The following NRSN1 variants were observed in gnomAD, a reference collection of about 807,000 sequenced individuals.
NRSN1 encodes the protein neurensin-1.
NRSN1 carries 14 observed loss-of-function variants against 17.3 expected under a neutral mutation model. That is an observed-to-expected ratio of 0.81 (90% CI 0.54 to 1.27). The LOEUF (loss-of-function observed/expected upper bound fraction) is 1.27, where lower values mean the gene tolerates loss of function less well. NRSN1 is among the 50% of genes most tolerant of loss of function. The probability of loss-of-function intolerance (pLI) is 0.00; values close to 1 mark genes in which losing one functional copy is unlikely to be tolerated. For synonymous variants in NRSN1, 79 were observed against 94.2 expected (o/e 0.84, Z 0.93); for missense variants, 209 against 235.9 (o/e 0.89, Z 0.75).
At chr6:24,130,349 C>G (rs1418335719) in intron 2 of NRSN1, among the ~76,000 whole-genome samples, 1 of 152,122 alleles carries the variant, frequency 6.6e-6, no homozygotes, top group Non-Finnish European at 1.5e-5. Context: ...ACCTCACATA[C>G]CTTTTTTATG....
At chr6:24,137,889 C>T (rs1032823733) in intron 3 of NRSN1, among the ~76,000 whole-genome samples, 1 of 152,014 alleles carries the variant, frequency 6.6e-6, no homozygotes, top group Non-Finnish European at 1.5e-5. Context: ...AGGAACGGGG[C>T]ATCCCAGTAG....
chr6:24,145,629 G>T lies in NRSN1; in HGVS notation c.271G>T (p.Glu91Ter), dbSNP rs199771455. The part of the protein sequence containing the change: ...AVGFLVPPKI[E>*]AFGEADFVVV... ...GGGCTTTCTTGTGCCCCCCAAAATC[G>T]AAGCATTTGGCGAAGCCGATTTTGT... is the stretch of plus-strand genomic sequence containing the variant. Residue 91 changes from glutamate (E) to a stop codon, truncating the protein, a stop_gained, in exon 4 of 4, where the codon GAA (glutamate) becomes TAA (stop). Coordinates refer to ENST00000378491, the MANE Select transcript of NRSN1 (RefSeq NM_080723.5). LOFTEE classifies it high-confidence loss of function. The surrounding 1 kb of genome is among the most constrained non-coding windows in gnomAD (Gnocchi z 4.4). 6.2e-7 allele frequency: 1 copy of T among 1,613,746 alleles called. No homozygotes were observed. Among genetic ancestry groups the T allele is most frequent in the Non-Finnish European group, 8.5e-7 (1 of 1,179,886 alleles).
At position 24,145,552 on chromosome 6, in the gene NRSN1, G is replaced by C. The variant is rs764070953; in HGVS notation, c.194G>C (p.Gly65Ala). The change falls in exon 4 of 4, where the codon GGA becomes GCA. Residue 65 changes from glycine (G) to alanine (A), a missense_variant. Coordinates refer to ENST00000378491, the MANE Select transcript of NRSN1 (RefSeq NM_080723.5). The surrounding 1 kb of genome is among the most constrained non-coding windows in gnomAD (Gnocchi z 4.4). Reference sequence around the variant, plus strand: ...TCTGTCATTATCTACCTGTAGGTTGGACTCATCTCAGGTACAGTTTTTGTG... The same window carrying C: ...TCTGTCATTATCTACCTGTAGGTTGCACTCATCTCAGGTACAGTTTTTGTG... ...NRWSSVFWKVGLISGTVFVIL... is the reference protein window; with the variant it reads ...NRWSSVFWKVALISGTVFVIL... The C allele has an allele frequency of 6.3e-7, 1 of 1,582,424 alleles. No homozygotes were observed. Among genetic ancestry groups the C allele is most frequent in the Non-Finnish European group, 8.6e-7 (1 of 1,161,756 alleles).
rs138657973 is a variant in NRSN1, at chr6:24,142,163, C to T, written c.190-3385C>T. Among the ~76,000 whole-genome samples, 291 of 131,602 alleles carry T rather than the reference C, an allele frequency of 2.2e-3. 1 individual carries two copies. The highest frequency in any genetic ancestry group is 6.2e-3 in the African/African-American group (227 of 36,802). 86.3% of individuals were successfully genotyped at this position (131,602 alleles called of 152,430 possible). ...TTATATTTTACAGCCCAATTTTTCC[C>T]GTAGCACTTATGTCTTATACAGAAC... On this transcript the variant is annotated intron_variant, in intron 3 of 3. Coordinates refer to ENST00000378491, the MANE Select transcript of NRSN1 (RefSeq NM_080723.5).
At chr6:24,137,385 A>G (rs1561866687) in intron 3 of NRSN1, among the ~76,000 whole-genome samples, 1 of 152,184 alleles carries the variant, frequency 6.6e-6, no homozygotes, top group Non-Finnish European at 1.5e-5. Flanking sequence ...TGTAAATAAG[A>G]TCTTCTTTTT....
Position 24,145,669 on chromosome 6 carries a change from A to G in NRSN1, c.311A>G (p.His104Arg). 1 of 1,614,178 alleles carries G rather than the reference A, an allele frequency of 6.2e-7. No homozygotes were observed. Among genetic ancestry groups the G allele is most frequent in the South Asian group, 1.1e-5 (1 of 91,086 alleles). ...GCCGATTTTGTGGTGGTCGACACACATGCTGTCCAGTTTAACAGTGCTCTG... is the reference window on the plus strand; with the variant it reads ...GCCGATTTTGTGGTGGTCGACACACGTGCTGTCCAGTTTAACAGTGCTCTG... Reference protein sequence around the residue: ...GEADFVVVDTHAVQFNSALDM... With the variant: ...GEADFVVVDTRAVQFNSALDM... The change falls in exon 4 of 4, where the codon CAT becomes CGT. Residue 104 changes from histidine to arginine, a missense_variant. Transcript: ENST00000378491. The surrounding 1 kb of genome is among the most constrained non-coding windows in gnomAD (Gnocchi z 4.4).
At chr6:24,132,913 G>C (rs1458675022) in intron 2 of NRSN1, among the ~76,000 whole-genome samples, 2 of 152,028 alleles carry the variant, frequency 1.3e-5, no homozygotes, top group Non-Finnish European at 2.9e-5. Context: ...CTGTGTACAG[G>C]ATAATTTAAA....
At chr6:24,128,066 T>C (rs932025221) in intron 1 of NRSN1, 62 bp from the exon 2 acceptor site, 6 of 152,222 alleles carry the variant, frequency 3.9e-5, no homozygotes, top group African/African-American at 1.4e-4. Flanking sequence ...GTTATATGAA[T>C]GACTTATGAA....
intron 3 of NRSN1, among the ~76,000 whole-genome samples, chr6:24,142,976 G>A (rs1014713592): frequency 2.6e-5 from 4 of 150,956 alleles, no homozygotes; most frequent in Non-Finnish European, 3.0e-5. Flanking sequence ...ACAGAGTGTG[G>A]ATTGGTGCAT....
chr6:24,135,192 A>G (rs1416528224), intron 3 of NRSN1, among the ~76,000 whole-genome samples: 2 of 152,196 alleles, frequency 1.3e-5, no homozygotes, highest in Non-Finnish European at 2.9e-5. Context: ...CAAAGAAACC[A>G]CATGATAGAA....
At chr6:24,136,329 C>CA (rs1201693675) in intron 3 of NRSN1, among the ~76,000 whole-genome samples, 3 of 152,210 alleles carry the variant, frequency 2.0e-5, no homozygotes, top group African/African-American at 7.2e-5. Flanking sequence ...TATTAAGTAA[C>CA]ACAGTTGTTA....
chr6:24,134,934 T>C (rs528446127), intron 3 of NRSN1, among the ~76,000 whole-genome samples: 22 of 152,302 alleles, frequency 1.4e-4, no homozygotes, highest in Non-Finnish European at 2.9e-4. Flanking sequence ...AATGATGAAA[T>C]GTAGTACAGT....
chr6:24,141,005 T>C, intron 3 of NRSN1: 1 of 1,467,774 alleles, frequency 6.8e-7, no homozygotes, highest in Non-Finnish European at 9.0e-7. Flanking sequence ...TCGCTGCTGT[T>C]TCGGGAGTTT....
chr6:24,134,464 A>G lies in NRSN1; in HGVS notation c.137A>G (p.Asp46Gly). ...DCTASIWEYE[D>G]DFQIQRSPNR... is the part of the protein sequence containing the mutation. ...ACAGCCTCAATTTGGGAGTATGAGG[A>G]TGATTTCCAGATCCAAAGATCACCT... The change falls in exon 3 of 4, where the codon GAT (aspartate) becomes GGT (glycine). Residue 46 changes from aspartate (D) to glycine (G), a missense_variant. By Grantham distance (94) the Asp-to-Gly change is moderately conservative. Transcript: ENST00000378491. 1 of 1,614,118 alleles carries G rather than the reference A, an allele frequency of 6.2e-7. No individual in the cohort carries two copies.
chr6:24,146,083 T>A lies in NRSN1; in HGVS notation c.*137T>A. ...GCTGTGGGCAATATAATGGGTGGAC[T>A]CACACTTGCTCAGTTCAGGCAGCTC... On this transcript the variant is annotated 3_prime_UTR_variant, in exon 4 of 4. Transcript: ENST00000378491. 1.1e-6 allele frequency: 1 copy of A among 891,010 alleles called. No homozygotes were observed. Among genetic ancestry groups the A allele is most frequent in the Non-Finnish European group, 1.9e-6 (1 of 532,644 alleles). 55.2% of individuals were successfully genotyped at this position (891,010 alleles called of 1,614,324 possible). A position where few individuals can be genotyped will look rare whatever the true frequency, so the allele number is the denominator to read the frequency against.
chr6:24,145,781 G>A lies in NRSN1; in HGVS notation c.423G>A (p.Lys141=), dbSNP rs762022747. 1.2e-6 allele frequency: 2 copies of A among 1,614,184 alleles called. No individual in the cohort carries two copies. The highest frequency in any genetic ancestry group is 2.2e-5 in the South Asian group (2 of 91,080). ...GCCTGCTGATGTCGGTGTTTGTAAA[G>A]AGCTACTCCAAAGAAGAAAAATTCC... is the stretch of plus-strand genomic sequence containing the variant. ...AGCLLMSVFV[K]SYSKEEKFLQ... The change falls in exon 4 of 4, where the codon AAG becomes AAA. Residue 141 remains lysine, a synonymous_variant. Coordinates refer to ENST00000378491, the MANE Select transcript of NRSN1 (RefSeq NM_080723.5). This position sits in a 1 kb window ranked among gnomAD's most constrained non-coding sequence, Gnocchi z 4.4.
rs1428199010 is a variant in NRSN1 at position 24,128,362 on chromosome 6, CAAGT to C, written c.-10+166_-10+169del. Among the ~76,000 whole-genome samples, 75 of 152,238 alleles carry C rather than the reference CAAGT, an allele frequency of 4.9e-4. 1 individual carries two copies. Among genetic ancestry groups the C allele is most frequent in the Non-Finnish European group, 9.7e-4 (66 of 68,008 alleles). ...CTTGAAGAATTAAAGTAAATGATAACAAGTAAGATAATCTTACATTGTTACTCCT... is the reference window on the plus strand; with the variant it reads ...CTTGAAGAATTAAAGTAAATGATAACAAGATAATCTTACATTGTTACTCCT... On this transcript the variant is annotated intron_variant, in intron 2 of 3. Coordinates refer to ENST00000378491, the MANE Select transcript of NRSN1 (RefSeq NM_080723.5).
intron 2 of NRSN1, among the ~76,000 whole-genome samples, chr6:24,132,060 A>C (rs1760041710): frequency 6.6e-6 from 1 of 152,170 alleles, no homozygotes; most frequent in African/African-American, 2.4e-5. Context: ...AGGAGCTAAC[A>C]GTTAGTTGGT....
chr6:24,134,773 A>G (rs895968766), intron 3 of NRSN1, among the ~76,000 whole-genome samples: 2 of 152,234 alleles, frequency 1.3e-5, no homozygotes, highest in African/African-American at 4.8e-5. Flanking sequence ...TATTATTGCT[A>G]CCATTAAAAA....
Sources: gnomAD v4.1 joint callset for allele counts (sites outside exome capture counted in the v4.1 genomes callset) on GRCh38, gnomAD v4.1.1 for gene constraint, Gnocchi (gnomAD v3.1) non-coding constraint, MANE v1.5 for transcripts, NCBI Gene and HGNC (gene_info 2026-07-23, HGNC 2026-07-21) for gene names.